The following LRRC1 variants were observed in gnomAD, a reference collection of about 807,000 sequenced individuals.
The protein encoded by LRRC1 is leucine-rich repeat-containing protein 1.
A neutral mutation model predicts 69.9 loss-of-function variants in LRRC1; 28 were observed. The observed-to-expected ratio is 0.40, with a 90% CI of 0.30 to 0.55. LRRC1 has a LOEUF of 0.55. Among genes scored for constraint, LRRC1 ranks in the 20% least tolerant of loss-of-function variants. The pLI, the probability that LRRC1 is intolerant of heterozygous loss-of-function variation, is 0.47. For synonymous variants in LRRC1, 236 were observed against 240.2 expected (o/e 0.98, Z 0.16); for missense variants, 498 against 609.0 (o/e 0.82, Z 1.92).
chr6:53,847,130 T>C (rs1765973701), intron 2 of LRRC1, among the ~76,000 whole-genome samples: 1 of 152,256 alleles, frequency 6.6e-6, no homozygotes, highest in Non-Finnish European at 1.5e-5. Flanking sequence ...GAGAAAGTTA[T>C]CCTTTTATTT....
chr6:53,811,437 G>C lies in LRRC1; in HGVS notation c.159+16022G>C, dbSNP rs1764790764. On this transcript the variant is annotated intron_variant, in intron 1 of 13. Transcript: ENST00000370888. ...TATGTCATTAGTCATGTTGAGAGAAGGACGTTTCCTCTCCCACTTGTCTAT... is the reference window on the plus strand; with the variant it reads ...TATGTCATTAGTCATGTTGAGAGAACGACGTTTCCTCTCCCACTTGTCTAT... Among the ~76,000 whole-genome samples, 6 of 152,216 alleles carry C rather than the reference G, an allele frequency of 3.9e-5. No homozygotes were observed. The South Asian group carries it at 1.2e-3, about 32-fold the overall frequency.
At chr6:53,809,052 G>A (rs1023185086) in intron 1 of LRRC1, among the ~76,000 whole-genome samples, 14 of 152,154 alleles carry the variant, frequency 9.2e-5, no homozygotes, top group South Asian at 2.1e-4. Context: ...AAGCACATCC[G>A]TCTGGGAAAA....
chr6:53,886,153 T>A (rs1767469758), intron 4 of LRRC1, among the ~76,000 whole-genome samples: 1 of 152,166 alleles, frequency 6.6e-6, no homozygotes, highest in Non-Finnish European at 1.5e-5. Context: ...TTACAGTGAG[T>A]CCTCACATAA....
chr6:53,823,460 C>G (rs937349504), intron 1 of LRRC1, among the ~76,000 whole-genome samples: 3 of 152,084 alleles, frequency 2.0e-5, no homozygotes, highest in Admixed American at 1.3e-4. Flanking sequence ...TATTTTTCTT[C>G]TAATTAACCA....
chr6:53,841,745 G>T (rs1288748153), intron 1 of LRRC1, among the ~76,000 whole-genome samples: 3 of 151,920 alleles, frequency 2.0e-5, no homozygotes, highest in Admixed American at 1.3e-4. Context: ...ATTTTTAAAA[G>T]ACATTTTTAC....
At chr6:53,840,647 C>A (rs1765751939) in intron 1 of LRRC1, among the ~76,000 whole-genome samples, 1 of 151,842 alleles carries the variant, frequency 6.6e-6, no homozygotes, top group Admixed American at 6.6e-5. Context: ...TTTTATTCCA[C>A]CTTCTGAGGA....
chr6:53,861,856 A>G, intron 2 of LRRC1, among the ~76,000 whole-genome samples: 1 of 152,002 alleles, frequency 6.6e-6, no homozygotes, highest in East Asian at 1.9e-4. Flanking sequence ...AACACATAGT[A>G]GGATGTCTGT....
intron 1 of LRRC1, among the ~76,000 whole-genome samples, chr6:53,834,708 C>G (rs896509045): frequency 2.0e-5 from 3 of 152,180 alleles, no homozygotes; most frequent in Non-Finnish European, 2.9e-5. Context: ...ATAAAAGTAT[C>G]TGTGCCTATA....
At chr6:53,846,640 G>A (rs1765955399) in intron 2 of LRRC1, among the ~76,000 whole-genome samples, 1 of 152,194 alleles carries the variant, frequency 6.6e-6, no homozygotes, top group Admixed American at 6.5e-5. Context: ...AAAAAAACTA[G>A]GTGTTTCCCC....
At chr6:53,886,390 T>C (rs143211796) in intron 4 of LRRC1, among the ~76,000 whole-genome samples, 82 of 152,328 alleles carry the variant, frequency 5.4e-4, no homozygotes, top group South Asian at 8.3e-4. Context: ...AATACAGGTA[T>C]AATTATTTAC....
intron 1 of LRRC1, among the ~76,000 whole-genome samples, chr6:53,822,953 A>G (rs1361938250): frequency 6.6e-6 from 1 of 152,112 alleles, no homozygotes; most frequent in Non-Finnish European, 1.5e-5. Context: ...ACGCTGTCAT[A>G]TGATACCGTC....
chr6:53,888,529 C>T (rs1213750210), intron 4 of LRRC1, among the ~76,000 whole-genome samples: 1 of 152,142 alleles, frequency 6.6e-6, no homozygotes, highest in Non-Finnish European at 1.5e-5. Context: ...CTCGACAAGT[C>T]GATCTACAGA....
At chr6:53,862,408 T>C (rs1200879469) in intron 2 of LRRC1, among the ~76,000 whole-genome samples, 5 of 151,982 alleles carry the variant, frequency 3.3e-5, no homozygotes, top group Non-Finnish European at 5.9e-5. Flanking sequence ...TTATCCCATA[T>C]GAAACCTCAC....
Position 53,922,862 on chromosome 6 carries a change from G to T in LRRC1, c.*69G>T. Reference sequence around the variant, plus strand: ...CGAGACGTTCCTGTCTGCTTCCCGGGAGCCTCACGTGCTCCTTGTCCTAAC... The same window carrying T: ...CGAGACGTTCCTGTCTGCTTCCCGGTAGCCTCACGTGCTCCTTGTCCTAAC... On this transcript the variant is annotated 3_prime_UTR_variant, in exon 14 of 14. Transcript: ENST00000370888. 1 of 1,496,538 alleles carries T rather than the reference G, an allele frequency of 6.7e-7. No homozygotes were observed. The highest frequency in any genetic ancestry group is 1.2e-5 in the South Asian group (1 of 81,342). 92.7% of individuals were successfully genotyped at this position (1,496,538 alleles called of 1,614,324 possible).
chr6:53,905,287 C>G (rs958001104), intron 10 of LRRC1: 1 of 146,440 alleles, frequency 6.8e-6, no homozygotes, highest in Non-Finnish European at 1.5e-5. Context: ...TGAGCCGAGA[C>G]CACGCCACTG....
At chr6:53,899,983 A>G (rs1767997027) in intron 8 of LRRC1, 92 bp downstream of exon 8, 4 of 1,040,140 alleles carry the variant, frequency 3.8e-6, no homozygotes, top group Non-Finnish European at 5.4e-6. Context: ...CACCACTTTC[A>G]GATGCTGAGG....
In LRRC1 at chr6:53,795,209, C is replaced by CCGGGTCTCCGCCGCT; in HGVS notation, c.-43_-29dup. Reference sequence around the variant, plus strand: ...CCGCCGGCCAGAGCGGGCTCGGAGCCCGGGTCTCCGCCGCTCGGGACCCGG... The same window carrying CCGGGTCTCCGCCGCT: ...CCGCCGGCCAGAGCGGGCTCGGAGCCCGGGTCTCCGCCGCTCGGGTCTCCGCCGCTCGGGACCCGG... On this transcript the variant is annotated 5_prime_UTR_variant, in exon 1 of 14. Transcript: ENST00000370888. 1.3e-6 allele frequency: 2 copies of CCGGGTCTCCGCCGCT among 1,536,334 alleles called. No individual in the cohort carries two copies. The highest frequency in any genetic ancestry group is 1.7e-6 in the Non-Finnish European group (2 of 1,145,532).
intron 1 of LRRC1, among the ~76,000 whole-genome samples, chr6:53,813,219 G>C (rs1318485121): frequency 1.3e-5 from 2 of 152,172 alleles, no homozygotes; most frequent in Non-Finnish European, 2.9e-5. Context: ...TTCATAAGAG[G>C]AAGCAGCTGT....
Position 53,920,733 on chromosome 6 carries a change from A to G in LRRC1, c.1388A>G (p.Asp463Gly). 1 of 1,614,194 alleles carries G rather than the reference A, an allele frequency of 6.2e-7. No homozygotes were observed. The highest frequency in any genetic ancestry group is 1.6e-4 in the Middle Eastern group (1 of 6,062). ...GTCAGTGCGATCCGATTTGTGGAGG[A>G]TGAGAAAGATGAAGAAGACAATGAG... ...NRVSAIRFVE[D>G]EKDEEDNETR... Residue 463 changes from aspartate (D) to glycine (G), a missense_variant, in exon 13 of 14, where the codon GAT becomes GGT. This residue lies in a region of LRRC1 where 162 missense variants were observed against 162.9 expected (regional missense o/e 0.99). Transcript: ENST00000370888.
Sources: allele counts gnomAD v4.1 joint callset (sites outside exome capture counted in the v4.1 genomes callset), GRCh38; gene constraint gnomAD v4.1.1; regional missense constraint gnomAD v4.1.1; transcripts MANE v1.5; gene names NCBI Gene and HGNC (gene_info 2026-07-23, HGNC 2026-07-21).